Variants in LGSN observed in about 807,000 individuals in gnomAD.
LGSN encodes the protein lengsin.
In LGSN, 21 loss-of-function variants were observed where a neutral mutation model predicts 19.5. The observed-to-expected ratio is 1.07, with a 90% CI of 0.76 to 1.55. LGSN has a LOEUF of 1.55. Among genes scored for constraint, LGSN ranks in the 40% most tolerant of loss-of-function variants. The probability of loss-of-function intolerance (pLI) is 0.00; values close to 1 mark genes in which losing one functional copy is unlikely to be tolerated. For synonymous variants in LGSN, 257 were observed against 215.6 expected, an observed-to-expected ratio of 1.19 and a Z score of -1.68; for missense variants, 673 against 608.5, an observed-to-expected ratio of 1.11 and a Z score of -1.12.
chr6:63,432,549 A>T, the LGSN span, among the ~76,000 whole-genome samples: 90 of 151,192 alleles, frequency 6.0e-4, no homozygotes, highest in African/African-American at 2.1e-3. Flanking sequence ...AAAATTAGCC[A>T]GGCGTGGTGG....
the LGSN span, among the ~76,000 whole-genome samples, chr6:63,355,249 T>C: frequency 4.9e-4 from 74 of 152,010 alleles, no homozygotes; most frequent in African/African-American, 1.7e-3. Flanking sequence ...ATATTATGTA[T>C]CAATTTAAAA....
the LGSN span, chr6:63,396,916 T>G: frequency 6.5e-6 from 1 of 153,080 alleles, no homozygotes; most frequent in Non-Finnish European, 1.5e-5. Context: ...AGGCAGGTGC[T>G]GCTGCAGGTG....
the LGSN span, among the ~76,000 whole-genome samples, chr6:63,383,364 C>A: frequency 1.4e-5 from 2 of 141,184 alleles, no homozygotes; most frequent in Non-Finnish European, 3.0e-5. Flanking sequence ...CTTGTTTAAC[C>A]ATTACTTACA....
chr6:63,295,571 C>T (rs1178076997), intron 1 of LGSN, among the ~76,000 whole-genome samples: 1 of 152,092 alleles, frequency 6.6e-6, no homozygotes, highest in Non-Finnish European at 1.5e-5. Flanking sequence ...TACTTGAATT[C>T]ATAAAGTGCT....
chr6:63,539,273 A>T, the LGSN span, among the ~76,000 whole-genome samples: 1 of 152,228 alleles, frequency 6.6e-6, no homozygotes, highest in Non-Finnish European at 1.5e-5. Flanking sequence ...TAATATTAAC[A>T]AAGAGATAAA....
At chr6:63,558,760 T>C in the LGSN span, among the ~76,000 whole-genome samples, 1 of 152,072 alleles carries the variant, frequency 6.6e-6, no homozygotes, top group South Asian at 2.1e-4. Flanking sequence ...AGAGAAAGAA[T>C]AGGAAATATT....
the LGSN span, among the ~76,000 whole-genome samples, chr6:63,331,303 T>A: frequency 1.2e-4 from 18 of 152,268 alleles, no homozygotes; most frequent in Admixed American, 5.2e-4. Context: ...CCATTTGCCT[T>A]CCCTCTTACA....
chr6:63,354,383 T>C, the LGSN span, among the ~76,000 whole-genome samples: 3 of 152,184 alleles, frequency 2.0e-5, no homozygotes, highest in South Asian at 6.2e-4. Flanking sequence ...AGCAAATACA[T>C]GAAAAAATGT....
chr6:63,349,928 G>A, the LGSN span, among the ~76,000 whole-genome samples: 1 of 152,258 alleles, frequency 6.6e-6, no homozygotes, highest in African/African-American at 2.4e-5. Flanking sequence ...GGATAAGCTG[G>A]TTTATCCAGG....
chr6:63,488,424 C>T, the LGSN span, among the ~76,000 whole-genome samples: 1 of 152,168 alleles, frequency 6.6e-6, no homozygotes, highest in East Asian at 1.9e-4. Context: ...CTTTCCTGGA[C>T]TCCTCAAAAC....
chr6:63,429,028 T>G, the LGSN span, among the ~76,000 whole-genome samples: 1 of 151,894 alleles, frequency 6.6e-6, no homozygotes, highest in Admixed American at 6.6e-5. Flanking sequence ...AAAGAAAAAA[T>G]TACAGCAAAT....
At chr6:63,282,510 G>A (rs576436330) in intron 3 of LGSN, among the ~76,000 whole-genome samples, 7 of 152,218 alleles carry the variant, frequency 4.6e-5, no homozygotes, top group African/African-American at 1.4e-4. Context: ...TCCTTACATG[G>A]TGGAAGGAAG....
At chr6:63,522,616 A>T in the LGSN span, among the ~76,000 whole-genome samples, 2 of 152,326 alleles carry the variant, frequency 1.3e-5, no homozygotes, top group East Asian at 3.9e-4. Context: ...TTAAAAGAAC[A>T]CAATAGTGTA....
At chr6:63,438,658 C>T in the LGSN span, among the ~76,000 whole-genome samples, 3 of 152,108 alleles carry the variant, frequency 2.0e-5, no homozygotes, top group East Asian at 1.9e-4. Context: ...CAATGAGATA[C>T]CATCTCACAC....
intron 1 of LGSN, among the ~76,000 whole-genome samples, chr6:63,309,235 C>G (rs1316715184): frequency 6.6e-6 from 1 of 152,110 alleles, no homozygotes; most frequent in Non-Finnish European, 1.5e-5. Context: ...AGTTTGAGAC[C>G]AGCCTGGCCA....
intron 1 of LGSN, among the ~76,000 whole-genome samples, chr6:63,297,083 T>G (rs889216598): frequency 1.5e-4 from 23 of 152,186 alleles, no homozygotes; most frequent in African/African-American, 5.5e-4. Flanking sequence ...GGCTCACACA[T>G]GTAATCCCAG....
At chr6:63,368,657 C>T in the LGSN span, among the ~76,000 whole-genome samples, 1 of 152,308 alleles carries the variant, frequency 6.6e-6, no homozygotes, top group South Asian at 2.1e-4. Context: ...TCTTTTTCTT[C>T]AAAACATCTA....
the LGSN span, among the ~76,000 whole-genome samples, chr6:63,494,515 C>T: frequency 6.6e-6 from 1 of 152,082 alleles, no homozygotes; most frequent in Non-Finnish European, 1.5e-5. Context: ...ATTTTAATTA[C>T]AGATTCATAT....
At chr6:63,337,293 T>C in the LGSN span, among the ~76,000 whole-genome samples, 2 of 151,820 alleles carry the variant, frequency 1.3e-5, no homozygotes, top group South Asian at 2.1e-4. Context: ...CAAAACCCTG[T>C]CTCTACTGAA....
Sources: gnomAD v4.1 joint callset for allele counts (sites outside exome capture counted in the v4.1 genomes callset) on GRCh38, gnomAD v4.1.1 for gene constraint, MANE v1.5 for transcripts, NCBI Gene and HGNC (gene_info 2026-07-23, HGNC 2026-07-21) for gene names.